The following CLSTN2 variants were observed in gnomAD, a reference collection of about 807,000 sequenced individuals.
CLSTN2 encodes calsyntenin 2, also known as calsyntenin-2.
A neutral mutation model predicts 101.2 loss-of-function variants in CLSTN2; 48 were observed. The observed-to-expected ratio is 0.47, with a 90% CI of 0.38 to 0.60. CLSTN2 has a LOEUF of 0.60. Ranked by LOEUF, CLSTN2 falls within the 20% of genes least tolerant of loss-of-function variation. The probability of loss-of-function intolerance (pLI) is 0.00; values close to 1 mark genes in which losing one functional copy is unlikely to be tolerated. For missense variants in CLSTN2, 1,160 were observed against 1,238.2 expected, an observed-to-expected ratio of 0.94 and a Z score of 0.95; for synonymous variants, 481 against 463.6, an observed-to-expected ratio of 1.04 and a Z score of -0.48.
chr3:140,246,272 C>T (rs900631802), intron 2 of CLSTN2, among the ~76,000 whole-genome samples: 3 of 152,140 alleles, frequency 2.0e-5, no homozygotes, highest in Non-Finnish European at 2.9e-5. Flanking sequence ...TTTTGATCTG[C>T]ATGAAATGTT....
intron 8 of CLSTN2, among the ~76,000 whole-genome samples, chr3:140,516,972 C>G (rs1934930348): frequency 1.3e-5 from 2 of 152,038 alleles, no homozygotes; most frequent in South Asian, 2.1e-4. Flanking sequence ...ATCAACTAAT[C>G]TTAGGTTTTG....
At chr3:140,373,637 G>A (rs543264071) in intron 2 of CLSTN2, among the ~76,000 whole-genome samples, 68 of 152,314 alleles carry the variant, frequency 4.5e-4, no homozygotes, top group African/African-American at 1.6e-3. Context: ...AAAGGGCACT[G>A]ACAATCAGTA....
chr3:140,218,846 G>T (rs1192875199), intron 2 of CLSTN2, among the ~76,000 whole-genome samples: 2 of 152,100 alleles, frequency 1.3e-5, no homozygotes, highest in Admixed American at 6.5e-5. Flanking sequence ...TCCCCCAGGG[G>T]GACAAGAATA....
chr3:140,127,766 A>G (rs2009459605), intron 1 of CLSTN2, among the ~76,000 whole-genome samples: 1 of 152,180 alleles, frequency 6.6e-6, no homozygotes, highest in East Asian at 1.9e-4. Context: ...TGTGGGCATT[A>G]AACCAGTTAA....
intron 1 of CLSTN2, among the ~76,000 whole-genome samples, chr3:140,096,876 GA>G (rs1388704974): frequency 6.6e-6 from 1 of 152,236 alleles, no homozygotes; most frequent in Non-Finnish European, 1.5e-5. Flanking sequence ...GAAGAGACAT[GA>G]AAGAGGCAGT....
intron 2 of CLSTN2, among the ~76,000 whole-genome samples, chr3:140,363,786 C>T (rs764414891): frequency 6.6e-6 from 1 of 152,130 alleles, no homozygotes; most frequent in Non-Finnish European, 1.5e-5. Context: ...TTGGGTTTCA[C>T]GAAGACCCTC....
At chr3:140,539,698 A>C (rs140446543) in intron 9 of CLSTN2, among the ~76,000 whole-genome samples, 54 of 152,296 alleles carry the variant, frequency 3.5e-4, no homozygotes, top group African/African-American at 1.3e-3. Flanking sequence ...AGCATCTTAC[A>C]TGTGTTCTCA....
At chr3:140,364,979 G>T (rs1205761161) in intron 2 of CLSTN2, among the ~76,000 whole-genome samples, 1 of 152,158 alleles carries the variant, frequency 6.6e-6, no homozygotes, top group Non-Finnish European at 1.5e-5. Flanking sequence ...GCAATGCTGG[G>T]GGAGCCCAGG....
chr3:140,335,661 T>C (rs1026173588), intron 2 of CLSTN2, among the ~76,000 whole-genome samples: 6 of 152,238 alleles, frequency 3.9e-5, no homozygotes, highest in African/African-American at 1.4e-4. Flanking sequence ...CATTTCTCAC[T>C]GATTACTATT....
chr3:140,390,789 A>T (rs942305358), intron 2 of CLSTN2, among the ~76,000 whole-genome samples: 1 of 152,224 alleles, frequency 6.6e-6, no homozygotes, highest in South Asian at 2.1e-4. Context: ...CATCTGAGTT[A>T]TCTCAGGGGT....
At chr3:140,446,770 G>A (rs917165011) in intron 5 of CLSTN2, among the ~76,000 whole-genome samples, 2 of 152,098 alleles carry the variant, frequency 1.3e-5, no homozygotes, top group African/African-American at 4.8e-5. Flanking sequence ...CAATGCATTT[G>A]TCCTTGATAT....
At chr3:139,960,779 G>A (rs1481811033) in intron 1 of CLSTN2, among the ~76,000 whole-genome samples, 2 of 152,176 alleles carry the variant, frequency 1.3e-5, no homozygotes, top group Non-Finnish European at 2.9e-5. Flanking sequence ...CATACTTGGG[G>A]GCTGGGAGAC....
intron 5 of CLSTN2, among the ~76,000 whole-genome samples, chr3:140,438,664 A>AGATTAAAAAAAATTGCCTG (rs1445344179): frequency 6.6e-6 from 1 of 152,162 alleles, no homozygotes; most frequent in Non-Finnish European, 1.5e-5. Flanking sequence ...ATTTGTCAAG[A>AGATTAAAAAAAATTGCCTG]GATTAAAAAA....
At chr3:139,981,867 G>C (rs1195478120) in intron 1 of CLSTN2, among the ~76,000 whole-genome samples, 1 of 152,202 alleles carries the variant, frequency 6.6e-6, no homozygotes, top group Non-Finnish European at 1.5e-5. Context: ...TCCACACTGG[G>C]AATCACAGGT....
intron 2 of CLSTN2, among the ~76,000 whole-genome samples, chr3:140,283,623 C>G (rs1477560365): frequency 2.6e-5 from 4 of 152,122 alleles, no homozygotes; most frequent in Non-Finnish European, 4.4e-5. Flanking sequence ...ATTCTTCTTC[C>G]CAGGTCTCAG....
chr3:140,492,534 T>C (rs1417583266), intron 8 of CLSTN2, among the ~76,000 whole-genome samples: 1 of 152,188 alleles, frequency 6.6e-6, no homozygotes, highest in Admixed American at 6.5e-5. Context: ...TGCTGGACGC[T>C]TGAAATACAG....
intron 2 of CLSTN2, among the ~76,000 whole-genome samples, chr3:140,367,237 C>A (rs2087801161): frequency 6.6e-6 from 1 of 151,858 alleles, no homozygotes; most frequent in African/African-American, 2.4e-5. Context: ...GACCGAGAAG[C>A]AATGCGGTGG....
chr3:140,138,580 A>T (rs1054427600), intron 1 of CLSTN2, among the ~76,000 whole-genome samples: 6 of 152,246 alleles, frequency 3.9e-5, no homozygotes, highest in African/African-American at 1.4e-4. Context: ...GGACAAACTC[A>T]TCAAGAATTA....
At chr3:140,384,017 G>A (rs1357776515) in intron 2 of CLSTN2, among the ~76,000 whole-genome samples, 1 of 152,196 alleles carries the variant, frequency 6.6e-6, no homozygotes, top group African/African-American at 2.4e-5. Flanking sequence ...CTGACACCCA[G>A]GGCCTAGGTA....
Sources: allele counts gnomAD v4.1 joint callset (sites outside exome capture counted in the v4.1 genomes callset), GRCh38; gene constraint gnomAD v4.1.1; transcripts MANE v1.5; gene names NCBI Gene and HGNC (gene_info 2026-07-23, HGNC 2026-07-21).